The following DENND2B variants were observed in gnomAD, a reference collection of about 807,000 sequenced individuals.
DENND2B encodes DENN domain-containing protein 2B.
Under a neutral mutation model 116.0 loss-of-function variants are expected in DENND2B, and 32 were observed. That is an observed-to-expected ratio of 0.28 (90% confidence interval 0.21 to 0.37). DENND2B has a LOEUF of 0.37. DENND2B is among the 10% of genes least tolerant of loss of function. DENND2B has a pLI of 1.00. For missense variants in DENND2B, 1,276 were observed against 1,477.7 expected (o/e 0.86, Z 2.24); for synonymous variants, 588 against 583.9 (o/e 1.01, Z -0.10).
rs539529447 is a variant in DENND2B, at chr11:8,806,582, T to C, written c.-26+3935A>G. 2.7e-4 allele frequency among the ~76,000 whole-genome samples: 16 copies of C among 59,888 alleles called. 2 individuals are homozygous for C. The South Asian group carries it at 6.4e-3, about 24-fold the overall frequency. 39.3% of individuals were successfully genotyped at this position (59,888 alleles called of 152,430 possible). A position where few individuals can be genotyped will look rare whatever the true frequency, so the allele number is the denominator to read the frequency against. ...CTTCAATAAGGTAATCTAGACTCAT[T>C]TAACACCCTCCTCTCCCTTCAAAAC... On this transcript the variant is annotated intron_variant, in intron 1 of 19. Coordinates refer to ENST00000313726, the MANE Select transcript of DENND2B (RefSeq NM_213618.2).
chr11:8,860,377 A>G (rs1284942194), intron 2 of DENND2B, among the ~76,000 whole-genome samples: 1 of 152,238 alleles, frequency 6.6e-6, no homozygotes, highest in Non-Finnish European at 1.5e-5. Flanking sequence ...TACACAAATC[A>G]GTAGCACTGC....
intron 4 of DENND2B, chr11:8,718,172 C>A: frequency 1.8e-6 from 1 of 545,592 alleles, no homozygotes. Context: ...AGGGATTGCA[C>A]AAGACTGGCT....
intron 17 of DENND2B, 96 bp downstream of exon 17, chr11:8,697,429 T>C: frequency 1.1e-6 from 1 of 875,500 alleles, no homozygotes. Flanking sequence ...CAGAAAGGGT[T>C]TGGTGTGCAG....
At chr11:8,861,898 G>A (rs1432154253) in intron 2 of DENND2B, among the ~76,000 whole-genome samples, 1 of 151,438 alleles carries the variant, frequency 6.6e-6, no homozygotes, top group Non-Finnish European at 1.5e-5. Flanking sequence ...TGGAGCTGGA[G>A]GCCATTATTC....
rs760393654 is a variant in DENND2B, at chr11:8,698,937, C to T, written c.2936G>A (p.Arg979Gln). The part of the protein sequence containing the change: ...MVNLGSDRFI[R>Q]QMDDEDTLLP... The stretch of plus-strand genomic sequence containing the variant: ...AGCAAGCACCCACCCTCTTACCTGT[C>T]GGATGAATCGGTCAGATCCCAGATT... The change falls in exon 16 of 20, where the codon CGA becomes CAA. Residue 979 changes from arginine (R) to glutamine (Q), a missense_variant. By Grantham distance (43) the Arg-to-Gln change is conservative. Transcript: ENST00000313726. 9.3e-6 allele frequency: 15 copies of T among 1,614,144 alleles called. No homozygotes were observed. The highest frequency in any genetic ancestry group is 1.7e-5 in the Admixed American group (1 of 60,026).
chr11:8,752,466 G>A (rs1026687605), intron 1 of DENND2B, among the ~76,000 whole-genome samples: 4 of 151,486 alleles, frequency 2.6e-5, no homozygotes, highest in Middle Eastern at 3.4e-3. Context: ...AAAAAAGAGA[G>A]AAAAAAACTT....
At chr11:8,892,276 A>T (rs933493716) in intron 1 of DENND2B, among the ~76,000 whole-genome samples, 3 of 152,244 alleles carry the variant, frequency 2.0e-5, no homozygotes, top group African/African-American at 7.2e-5. Context: ...CTAAATGCCC[A>T]CAAGAGAAAG....
intron 1 of DENND2B, among the ~76,000 whole-genome samples, chr11:8,881,441 G>C (rs1034633670): frequency 3.9e-5 from 6 of 152,104 alleles, no homozygotes. Flanking sequence ...TTGTTCTACT[G>C]TATGGGAAAT....
chr11:8,741,399 C>T (rs750869760), intron 2 of DENND2B, among the ~76,000 whole-genome samples: 2 of 152,158 alleles, frequency 1.3e-5, no homozygotes, highest in East Asian at 1.9e-4. Flanking sequence ...ACTGCAGAAG[C>T]CCCCTCTGAG....
chr11:8,820,332 T>C (rs1029130985), intron 4 of DENND2B, among the ~76,000 whole-genome samples: 9 of 152,200 alleles, frequency 5.9e-5, no homozygotes, highest in South Asian at 2.1e-4. Context: ...ATTTATTAAA[T>C]AGTAAATGGG....
chr11:8,894,521 G>C (rs1469460139), intron 1 of DENND2B, among the ~76,000 whole-genome samples: 1 of 151,266 alleles, frequency 6.6e-6, no homozygotes, highest in Non-Finnish European at 1.5e-5. Context: ...CTAATATCCA[G>C]AATCTACAAT....
chr11:8,779,351 T>C (rs746368815), intron 1 of DENND2B, among the ~76,000 whole-genome samples: 1 of 152,132 alleles, frequency 6.6e-6, no homozygotes, highest in Non-Finnish European at 1.5e-5. Context: ...CACATTCAAC[T>C]GAGGCTCAGC....
chr11:8,710,260 T>A (rs1016517319), intron 11 of DENND2B, among the ~76,000 whole-genome samples: 1 of 152,170 alleles, frequency 6.6e-6, no homozygotes, highest in African/African-American at 2.4e-5. Context: ...GGTGAGGGAC[T>A]TCTCTTTACA....
At chr11:8,832,826 G>A (rs1180594381) in intron 4 of DENND2B, among the ~76,000 whole-genome samples, 4 of 152,238 alleles carry the variant, frequency 2.6e-5, no homozygotes, top group Non-Finnish European at 4.4e-5. Context: ...CAGGAGGCGA[G>A]GACACAGTGG....
At chr11:8,748,340 A>C (rs1236445624) in intron 2 of DENND2B, among the ~76,000 whole-genome samples, 4 of 152,238 alleles carry the variant, frequency 2.6e-5, no homozygotes, top group African/African-American at 9.6e-5. Context: ...GAGAAAGAGA[A>C]TGGATCATCC....
intron 1 of DENND2B, chr11:8,809,564 A>C (rs1175825568): frequency 6.6e-6 from 1 of 152,072 alleles, no homozygotes; most frequent in Non-Finnish European, 1.5e-5. Flanking sequence ...CTACCCTATC[A>C]CCTATAAAAC....
intron 1 of DENND2B, among the ~76,000 whole-genome samples, chr11:8,776,896 A>G (rs1039709529): frequency 6.6e-6 from 1 of 152,142 alleles, no homozygotes; most frequent in Non-Finnish European, 1.5e-5. Context: ...GCCTGATGCT[A>G]CTTGACTACA....
chr11:8,794,882 G>C (rs555553349), intron 1 of DENND2B: 1 of 152,240 alleles, frequency 6.6e-6, no homozygotes, highest in Non-Finnish European at 1.5e-5. Context: ...TCAGCCTTTC[G>C]GCTGCCAACT....
chr11:8,743,367 T>C (rs1405523013), intron 2 of DENND2B, among the ~76,000 whole-genome samples: 1 of 151,648 alleles, frequency 6.6e-6, no homozygotes, highest in Non-Finnish European at 1.5e-5. Context: ...CTGGTCAACA[T>C]GGCAAAACCC....
Sources: gnomAD v4.1 joint callset for allele counts (sites outside exome capture counted in the v4.1 genomes callset) on GRCh38, gnomAD v4.1.1 for gene constraint, MANE v1.5 for transcripts, NCBI Gene and HGNC (gene_info 2026-07-23, HGNC 2026-07-21) for gene names.